MAPK13: variants seen among roughly 807,000 people sequenced by gnomAD.
MAPK13 encodes the protein mitogen-activated protein kinase 13.
A neutral mutation model predicts 53.5 loss-of-function variants in MAPK13; 39 were observed. That is an observed-to-expected ratio of 0.73 (90% CI 0.56 to 0.95). MAPK13 has a LOEUF of 0.95. MAPK13 is among the 40% of genes least tolerant of loss of function. The pLI, the probability that MAPK13 is intolerant of heterozygous loss-of-function variation, is 0.00. For missense variants in MAPK13, 460 were observed against 471.8 expected (o/e 0.98, Z 0.23); for synonymous variants, 179 against 190.9 (o/e 0.94, Z 0.51).
rs986998307 is a variant in MAPK13, at chr6:36,138,559, C to T, written c.762+115C>T. The T allele has an allele frequency of 2.8e-5, 36 of 1,276,704 alleles. No homozygotes were observed. The African/African-American group carries it at 5.3e-4, about 19-fold the overall frequency. The allele number at this position is 1,276,704 out of a possible 1,614,324, so 79.1% of individuals were successfully genotyped here. On this transcript the variant is annotated intron_variant, in intron 9 of 11. Coordinates refer to ENST00000211287, the MANE Select transcript of MAPK13 (RefSeq NM_002754.5). ...CACCAGCACCTTCCCACAGCATCCT[C>T]CTACCCTGGCAGGCACTCTTGTCTT...
rs997654961 is a variant in MAPK13 at position 36,136,642 on chromosome 6, C to T, written c.496-14C>T. The T allele has an allele frequency of 1.2e-6, 2 of 1,612,806 alleles. No homozygotes were observed. Among genetic ancestry groups the T allele is most frequent in the Non-Finnish European group, 1.7e-6 (2 of 1,179,268 alleles). ...CTCAGCAAGTTCCTTTTCTATTTAT[C>T]CCCTGTGCCATAGATTCTGGATTTT... On this transcript the variant is annotated splice_polypyrimidine_tract_variant and intron_variant, in intron 6 of 11. Transcript: ENST00000211287.
At position 36,138,316 on chromosome 6, in the gene MAPK13, G is replaced by A. The variant is rs778381114; in HGVS notation, c.683-49G>A. 10 of 1,466,506 alleles carry A rather than the reference G, an allele frequency of 6.8e-6. No individual in the cohort carries two copies. In the African/African-American group the frequency reaches 1.4e-4, roughly 20 times the overall value. 90.8% of individuals were successfully genotyped at this position (1,466,506 alleles called of 1,614,324 possible). On this transcript the variant is annotated intron_variant, in intron 8 of 11. Coordinates refer to ENST00000211287, the MANE Select transcript of MAPK13 (RefSeq NM_002754.5). The stretch of plus-strand genomic sequence containing the variant: ...TGATGGTGGGGTCGCAGGAAGGGCA[G>A]TCTCAGACCCACCAGGAGAGCAAGG...
intron 4 of MAPK13, 40 bp from the exon 5 acceptor site, chr6:36,135,979 A>C (rs764521500): frequency 1.2e-6 from 2 of 1,613,816 alleles, no homozygotes; most frequent in African/African-American, 2.7e-5. Context: ...CTGGTGTGGA[A>C]GCTGGGCCAT....
At chr6:36,134,541 T>C (rs1227845293) in intron 3 of MAPK13, among the ~76,000 whole-genome samples, 1 of 152,100 alleles carries the variant, frequency 6.6e-6, no homozygotes, top group South Asian at 2.1e-4. Flanking sequence ...TACAGATGCA[T>C]GCCACCATGT....
intron 3 of MAPK13, 66 bp from the exon 4 acceptor site, chr6:36,135,687 C>A: frequency 1.7e-6 from 2 of 1,176,952 alleles, no homozygotes; most frequent in Non-Finnish European, 2.5e-6. Context: ...GAGGTCCCTC[C>A]TCTGAGCTCT....
rs930332475 is a variant in MAPK13 at position 36,141,679 on chromosome 6, CA to C, written c.*2314del. The C allele has an allele frequency of 2.6e-5, 4 of 152,204 alleles. No individual in the cohort carries two copies. Among genetic ancestry groups the C allele is most frequent in the East Asian group, 1.9e-4 (1 of 5,208 alleles). 9.4% of individuals were successfully genotyped at this position (152,204 alleles called of 1,614,324 possible). A position where few individuals can be genotyped will look rare whatever the true frequency, so the allele number is the denominator to read the frequency against. On this transcript the variant is annotated 3_prime_UTR_variant, in exon 12 of 12. Coordinates refer to ENST00000211287, the MANE Select transcript of MAPK13 (RefSeq NM_002754.5). ...AGAGTGAGACTCCATCTCAAAAAAACAAAAAAAACAAATACCCTGAGGACAC... is the reference window on the plus strand; with the variant it reads ...AGAGTGAGACTCCATCTCAAAAAAACAAAAAAACAAATACCCTGAGGACAC...
rs761045728 is a variant in MAPK13 at position 36,135,760 on chromosome 6, G to C, written c.316G>C (p.Val106Leu). The C allele has an allele frequency of 6.2e-7, 1 of 1,612,802 alleles. No homozygotes were observed. The highest frequency in any genetic ancestry group is 8.5e-7 in the Non-Finnish European group (1 of 1,179,122). The change falls in exon 4 of 12, where the codon GTG becomes CTG. Residue 106 changes from valine (V) to leucine (L), a missense_variant. Transcript: ENST00000211287. ...ACCCCTCATGCCTTCCAGCTACCTG[G>C]TGATGCCCTTCATGCAGACGGATCT... ...SLRNFYDFYL[V>L]MPFMQTDLQK... is the part of the protein sequence containing the mutation.
Position 36,130,566 on chromosome 6 carries a change from G to C in MAPK13, c.-17G>C, listed in dbSNP as rs375608425. 2 of 1,417,472 alleles carry C rather than the reference G, an allele frequency of 1.4e-6. No individual in the cohort carries two copies. The highest frequency in any genetic ancestry group is 1.9e-6 in the Non-Finnish European group (2 of 1,035,468). 87.8% of individuals were successfully genotyped at this position (1,417,472 alleles called of 1,614,324 possible). On this transcript the variant is annotated 5_prime_UTR_variant, in exon 1 of 12. Transcript: ENST00000211287. The surrounding 1 kb of genome is among the most constrained non-coding windows in gnomAD (Gnocchi z 4.5). ...ACGCAGCCGCCACGCTGGGGCCGCCGAGATCGGGTGCCCGGGATGAGCCTC... is the reference window on the plus strand; with the variant it reads ...ACGCAGCCGCCACGCTGGGGCCGCCCAGATCGGGTGCCCGGGATGAGCCTC...
rs1326459857 is a variant in MAPK13 at position 36,131,409 on chromosome 6, TGGCTGCCCCGGGGAGGGGGTGGG to T, written c.249+18_249+40del. On this transcript the variant is annotated intron_variant, in intron 2 of 11. Transcript: ENST00000211287. The stretch of plus-strand genomic sequence containing the variant: ...ACATGCAGCATGAGAACGTAGGTGG[TGGCTGCCCCGGGGAGGGGGTGGG>T]GGCTGCCCTGGGGAGTCAGGGGCAG... 13 of 1,608,142 alleles carry T rather than the reference TGGCTGCCCCGGGGAGGGGGTGGG, an allele frequency of 8.1e-6. No individual in the cohort carries two copies. The highest frequency in any genetic ancestry group is 4.0e-5 in the African/African-American group (3 of 74,714).
chr6:36,143,827 C>T lies in MAPK13; in HGVS notation c.*4454C>T, dbSNP rs1014226278. 3 of 152,190 alleles carry T rather than the reference C, an allele frequency of 2.0e-5. No homozygotes were observed. The highest frequency in any genetic ancestry group is 7.2e-5 in the African/African-American group (3 of 41,424). The allele number at this position is 152,190 out of a possible 1,614,324, so 9.4% of individuals were successfully genotyped here. ...TTCATTGAGCACCCATGGGTGTGTA[C>T]TGGAGCAAGGGTGGTGCCAGGGATT... On this transcript the variant is annotated 3_prime_UTR_variant, in exon 12 of 12. Coordinates refer to ENST00000211287, the MANE Select transcript of MAPK13 (RefSeq NM_002754.5).
At chr6:36,137,055 A>C (rs1242360638) in intron 8 of MAPK13, 105 bp downstream of exon 8, 3 of 922,134 alleles carry the variant, frequency 3.3e-6, no homozygotes, top group Non-Finnish European at 5.1e-6. Flanking sequence ...AGTGATACAT[A>C]CTCCCTGTAG....
Position 36,138,758 on chromosome 6 carries a change from G to C in MAPK13, c.819G>C (p.Leu273=), listed in dbSNP as rs780637355. Reference sequence around the variant, plus strand: ...CCCCCAGGAAGGATTTCACTCAGCTGTTCCCACGGGCCAGCCCCCAGGGTG... The same window carrying C: ...CCCCCAGGAAGGATTTCACTCAGCTCTTCCCACGGGCCAGCCCCCAGGGTG... ...PQTPRKDFTQ[L]FPRASPQAAD... Residue 273 remains leucine (L), a synonymous_variant, in exon 10 of 12, where the codon CTG becomes CTC. Coordinates refer to ENST00000211287, the MANE Select transcript of MAPK13 (RefSeq NM_002754.5). The C allele has an allele frequency of 3.1e-6, 5 of 1,614,200 alleles. No individual in the cohort carries two copies. Among genetic ancestry groups the C allele is most frequent in the Non-Finnish European group, 4.2e-6 (5 of 1,180,022 alleles).
chr6:36,133,477 G>A (rs535142199), intron 3 of MAPK13, among the ~76,000 whole-genome samples: 4 of 152,340 alleles, frequency 2.6e-5, no homozygotes, highest in East Asian at 3.9e-4. Flanking sequence ...AGGCAGGGCC[G>A]ACACAATGTT....
intron 9 of MAPK13, 57 bp downstream of exon 9, chr6:36,138,501 C>T: frequency 6.5e-7 from 1 of 1,544,008 alleles, no homozygotes; most frequent in Non-Finnish European, 8.9e-7. Flanking sequence ...TGACGTGGGC[C>T]CAGTGGGCTG....
Position 36,139,554 on chromosome 6 carries a change from C to T in MAPK13, c.*181C>T. 8.4e-6 allele frequency: 5 copies of T among 596,756 alleles called. No individual in the cohort carries two copies. Among genetic ancestry groups the T allele is most frequent in the Non-Finnish European group, 6.0e-6 (2 of 333,396 alleles). 37.0% of individuals were successfully genotyped at this position (596,756 alleles called of 1,614,324 possible). ...AAAGATGTCGGTTGGGAGAAACTAG[C>T]TCTGATCCTAACAGGCCACGTTAAA... On this transcript the variant is annotated 3_prime_UTR_variant, in exon 12 of 12. Coordinates refer to ENST00000211287, the MANE Select transcript of MAPK13 (RefSeq NM_002754.5).
chr6:36,136,168 T>G (rs1766413479), intron 5 of MAPK13, 120 bp downstream of exon 5: 1 of 1,258,278 alleles, frequency 7.9e-7, no homozygotes, highest in Non-Finnish European at 1.1e-6. Context: ...GAGCACAGAA[T>G]GTGGAGTTTT....
At position 36,143,087 on chromosome 6, in the gene MAPK13, CAG is replaced by C. The variant is rs1200945302; in HGVS notation, c.*3722_*3723del. The C allele has an allele frequency of 1.3e-5, 2 of 151,990 alleles. No individual in the cohort carries two copies. Among genetic ancestry groups the C allele is most frequent in the South Asian group, 2.1e-4 (1 of 4,804 alleles). The allele number at this position is 151,990 out of a possible 1,614,324, so 9.4% of individuals were successfully genotyped here. A position where few individuals can be genotyped will look rare whatever the true frequency, so the allele number is the denominator to read the frequency against. ...GATGGGGTGGCTTAAAAGATCTTAA[CAG>C]AGAGAGATCAGGAAGCCAGACTGCA... On this transcript the variant is annotated 3_prime_UTR_variant, in exon 12 of 12. Transcript: ENST00000211287.
In MAPK13 at chr6:36,139,049, T is replaced by A. The variant is rs1158340714; in HGVS notation, c.1012T>A (p.Trp338Arg). The A allele has an allele frequency of 2.4e-5, 38 of 1,596,094 alleles. No individual in the cohort carries two copies. The highest frequency in any genetic ancestry group is 3.2e-5 in the Non-Finnish European group (37 of 1,172,750). ...LEHEKLTVDE[W>R]KQHIYKEIVN... ...ACACGAGAAACTCACAGTGGATGAA[T>A]GGAAGCGTAAGAGCTGGGGCCTCGG... Residue 338 changes from tryptophan (W) to arginine (R), a missense_variant, in exon 11 of 12, where the codon TGG (tryptophan) becomes AGG (arginine). Physicochemically the swap from Trp to Arg is moderately radical, Grantham distance 101. Transcript: ENST00000211287.
At position 36,138,792 on chromosome 6, in the gene MAPK13, A is replaced by G. The variant is rs891001958; in HGVS notation, c.841+12A>G. ...GGCCAGCCCCCAGGGTGAGTCTCAG[A>G]GCCCGCTCCCCAGGGGCCTCTCAGC... On this transcript the variant is annotated intron_variant, in intron 10 of 11. Coordinates refer to ENST00000211287, the MANE Select transcript of MAPK13 (RefSeq NM_002754.5). 5 of 1,614,000 alleles carry G rather than the reference A, an allele frequency of 3.1e-6. No homozygotes were observed. Among genetic ancestry groups the G allele is most frequent in the Non-Finnish European group, 4.2e-6 (5 of 1,179,998 alleles).
Sources: allele counts gnomAD v4.1 joint callset (sites outside exome capture counted in the v4.1 genomes callset), GRCh38; gene constraint gnomAD v4.1.1; non-coding constraint Gnocchi (gnomAD v3.1); transcripts MANE v1.5; gene names NCBI Gene and HGNC (gene_info 2026-07-23, HGNC 2026-07-21).